The following MAGI2 variants were observed in gnomAD, a reference collection of about 807,000 sequenced individuals.
MAGI2 encodes the protein membrane associated guanylate kinase, WW and PDZ domain containing 2, also known as membrane-associated guanylate kinase, WW and PDZ domain-containing protein 2.
A neutral mutation model predicts 133.3 loss-of-function variants in MAGI2; 35 were observed. The ratio of observed to expected loss-of-function variants is 0.26; its 90% confidence interval spans 0.20 to 0.35. The LOEUF is 0.35. MAGI2 is among the 10% of genes least tolerant of loss of function. The pLI, the probability that MAGI2 is intolerant of heterozygous loss-of-function variation, is 1.00. For synonymous variants in MAGI2, 729 were observed against 710.6 expected (o/e 1.03, Z -0.41); for missense variants, 1,636 against 1,863.4 (o/e 0.88, Z 2.25).
chr7:78,063,839 T>A (rs1813534937), intron 21 of MAGI2, among the ~76,000 whole-genome samples: 1 of 152,178 alleles, frequency 6.6e-6, no homozygotes, highest in South Asian at 2.1e-4. Context: ...ATTATCTCCC[T>A]GTCTTCCATC....
intron 2 of MAGI2, among the ~76,000 whole-genome samples, chr7:78,640,805 C>T (rs976111950): frequency 1.3e-5 from 2 of 152,206 alleles, no homozygotes; most frequent in African/African-American, 4.8e-5. Context: ...ACTAGAAAGG[C>T]TGAGGCTGGC....
intron 1 of MAGI2, among the ~76,000 whole-genome samples, chr7:79,169,146 T>A (rs1033391142): frequency 6.6e-6 from 1 of 151,952 alleles, no homozygotes; most frequent in Non-Finnish European, 1.5e-5. Flanking sequence ...CCCCTTATAT[T>A]CTGGTCCCTT....
intron 2 of MAGI2, among the ~76,000 whole-genome samples, chr7:78,807,922 G>A (rs918687179): frequency 6.6e-6 from 1 of 152,122 alleles, no homozygotes; most frequent in Non-Finnish European, 1.5e-5. Flanking sequence ...TGGAGCTTAC[G>A]CAGATAGTAG....
At chr7:78,601,958 G>A (rs1475911365) in intron 3 of MAGI2, among the ~76,000 whole-genome samples, 1 of 152,094 alleles carries the variant, frequency 6.6e-6, no homozygotes, top group African/African-American at 2.4e-5. Context: ...ACTTAGCTGA[G>A]TCTATTAGGT....
intron 1 of MAGI2, among the ~76,000 whole-genome samples, chr7:79,422,016 G>A (rs1161224454): frequency 2.0e-5 from 3 of 151,844 alleles, no homozygotes; most frequent in Non-Finnish European, 4.4e-5. Context: ...ATTGCAATAC[G>A]CAAGCCAGCT....
chr7:78,605,354 GAGA>G (rs1402879206), intron 3 of MAGI2, among the ~76,000 whole-genome samples: 1 of 152,192 alleles, frequency 6.6e-6, no homozygotes, highest in Non-Finnish European at 1.5e-5. Context: ...CAACTGGGTG[GAGA>G]AGAATTTTTG....
chr7:78,727,096 A>T (rs1820897870), intron 2 of MAGI2, among the ~76,000 whole-genome samples: 1 of 152,214 alleles, frequency 6.6e-6, no homozygotes, highest in Non-Finnish European at 1.5e-5. Flanking sequence ...CCTTGGCTCA[A>T]ATCAATTAAT....
At chr7:78,322,007 A>G (rs2151124008) in intron 9 of MAGI2, among the ~76,000 whole-genome samples, 1 of 152,164 alleles carries the variant, frequency 6.6e-6, no homozygotes, top group East Asian at 1.9e-4. Context: ...GAAACATGAA[A>G]AAAAGCTCAT....
At chr7:78,544,784 A>G (rs1406462437) in intron 3 of MAGI2, among the ~76,000 whole-genome samples, 8 of 152,058 alleles carry the variant, frequency 5.3e-5, no homozygotes, top group Admixed American at 1.3e-4. Flanking sequence ...CGGTGAGCTG[A>G]GATCACGCCA....
At chr7:78,896,631 A>G (rs1027418223) in intron 2 of MAGI2, among the ~76,000 whole-genome samples, 4 of 151,578 alleles carry the variant, frequency 2.6e-5, no homozygotes, top group Non-Finnish European at 5.9e-5. Context: ...GCAGTCGTGC[A>G]ATCTCGGCTC....
intron 1 of MAGI2, among the ~76,000 whole-genome samples, chr7:79,141,486 T>G (rs532522208): frequency 1.3e-5 from 2 of 152,342 alleles, no homozygotes; most frequent in Admixed American, 6.5e-5. Flanking sequence ...GCCACTTCTA[T>G]TTCTGTCCCC....
chr7:78,469,921 A>G (rs1791020224), intron 6 of MAGI2, among the ~76,000 whole-genome samples: 1 of 152,176 alleles, frequency 6.6e-6, no homozygotes, highest in African/African-American at 2.4e-5. Context: ...CCCAGTGCCT[A>G]GCACGGTGCT....
At chr7:78,035,194 G>C (rs376483766) in intron 21 of MAGI2, 1 of 153,766 alleles carries the variant, frequency 6.5e-6, no homozygotes, top group Admixed American at 6.5e-5. Context: ...GAGGAGCCAC[G>C]GTGGCCGGCA....
chr7:78,741,434 G>A (rs1822427519), intron 2 of MAGI2, among the ~76,000 whole-genome samples: 1 of 144,552 alleles, frequency 6.9e-6, no homozygotes, highest in Admixed American at 6.9e-5. Context: ...CACACGGGAG[G>A]GGGGTTAGAT....
At chr7:78,851,146 G>C (rs913877459) in intron 2 of MAGI2, among the ~76,000 whole-genome samples, 1 of 151,896 alleles carries the variant, frequency 6.6e-6, no homozygotes, top group African/African-American at 2.4e-5. Context: ...AAATAATTGA[G>C]CAAAACTAGA....
chr7:79,315,608 G>T lies in MAGI2; in HGVS notation c.301+137412C>A, dbSNP rs184725673. Among the ~76,000 whole-genome samples the T allele has an allele frequency of 4.7e-3, 717 of 152,178 alleles. 7 individuals are homozygous for T. The highest frequency in any genetic ancestry group is 0.016 in the African/African-American group (677 of 41,520). On this transcript the variant is annotated intron_variant, in intron 1 of 21. Coordinates refer to ENST00000354212, the MANE Select transcript of MAGI2 (RefSeq NM_012301.4). Reference sequence around the variant, plus strand: ...AATGATATGACAACGTACCACAGCTGTATCATAAATCCTGTATCTATTTCT... The same window carrying T: ...AATGATATGACAACGTACCACAGCTTTATCATAAATCCTGTATCTATTTCT...
At chr7:79,316,469 G>A (rs1838731288) in intron 1 of MAGI2, among the ~76,000 whole-genome samples, 1 of 152,072 alleles carries the variant, frequency 6.6e-6, no homozygotes, top group East Asian at 1.9e-4. Context: ...ATGTGCACAT[G>A]TATATGTATA....
chr7:79,038,288 C>T (rs1206162522), intron 1 of MAGI2, among the ~76,000 whole-genome samples: 1 of 152,142 alleles, frequency 6.6e-6, no homozygotes, highest in Non-Finnish European at 1.5e-5. Context: ...AGATGGTTCA[C>T]CAGTTTCCTC....
intron 1 of MAGI2, among the ~76,000 whole-genome samples, chr7:79,370,918 C>T (rs973281054): frequency 6.6e-6 from 1 of 151,986 alleles, no homozygotes; most frequent in African/African-American, 2.4e-5. Flanking sequence ...GGTTCATGGG[C>T]ATTTTTTTCT....
Sources: allele counts gnomAD v4.1 joint callset (sites outside exome capture counted in the v4.1 genomes callset), GRCh38; gene constraint gnomAD v4.1.1; transcripts MANE v1.5; gene names NCBI Gene and HGNC (gene_info 2026-07-23, HGNC 2026-07-21).